Variants in TMEM260 observed in about 807,000 individuals in gnomAD.
TMEM260 encodes the protein transmembrane protein 260.
A neutral mutation model predicts 88.9 loss-of-function variants in TMEM260; 82 were observed. That is an observed-to-expected ratio of 0.92 (90% CI 0.77 to 1.11). The LOEUF (loss-of-function observed/expected upper bound fraction) is 1.11. TMEM260 is among the 50% of genes least tolerant of loss of function. The pLI, the probability that TMEM260 is intolerant of heterozygous loss-of-function variation, is 0.00. For synonymous variants in TMEM260, 314 were observed against 309.3 expected (o/e 1.02, Z -0.16); for missense variants, 902 against 853.4 (o/e 1.06, Z -0.71).
rs561447515 is a variant in TMEM260, at chr14:56,649,075, G to T, written c.*1578G>T. On this transcript the variant is annotated 3_prime_UTR_variant, in exon 16 of 16. Coordinates refer to ENST00000261556, the MANE Select transcript of TMEM260 (RefSeq NM_017799.4). ...TGTCCATTGGAGCCTGCAGTGCCTGGACAGGGTTCAGAGCGGAACCTTTTG... is the reference window on the plus strand; with the variant it reads ...TGTCCATTGGAGCCTGCAGTGCCTGTACAGGGTTCAGAGCGGAACCTTTTG... 2 of 152,662 alleles carry T rather than the reference G, an allele frequency of 1.3e-5. No homozygotes were observed. The highest frequency in any genetic ancestry group is 4.8e-5 in the African/African-American group (2 of 41,442). The allele number at this position is 152,662 out of a possible 1,614,324, so 9.5% of individuals were successfully genotyped here.
At position 56,636,701 on chromosome 14, in the gene TMEM260, T is replaced by TTTATTTCTCTCAATTTGGGTGGTATA. The variant is rs1889118289; in HGVS notation, c.1869+104_1869+129dup. 6 of 1,012,492 alleles carry TTTATTTCTCTCAATTTGGGTGGTATA rather than the reference T, an allele frequency of 5.9e-6. No homozygotes were observed. In the South Asian group the frequency reaches 7.5e-5, roughly 13 times the overall value. 62.7% of individuals were successfully genotyped at this position (1,012,492 alleles called of 1,614,324 possible). A position where few individuals can be genotyped will look rare whatever the true frequency, so the allele number is the denominator to read the frequency against. On this transcript the variant is annotated intron_variant, in intron 15 of 15. Coordinates refer to ENST00000261556, the MANE Select transcript of TMEM260 (RefSeq NM_017799.4). ...TATATCACATTAGAATTTTTATTAT[T>TTTATTTCTCTCAATTTGGGTGGTATA]TTATTTCTCTCAATTTGGGTGGTAT... is the stretch of plus-strand genomic sequence containing the variant.
At chr14:56,591,785 G>A (rs535252384) in intron 3 of TMEM260, among the ~76,000 whole-genome samples, 17 of 152,212 alleles carry the variant, frequency 1.1e-4, no homozygotes, top group East Asian at 1.9e-4. Context: ...AGTAAATTGC[G>A]GTTGTTCCTA....
chr14:56,585,598 A>G (rs927839742), intron 2 of TMEM260, 163 bp from the exon 3 acceptor site: 6 of 632,940 alleles, frequency 9.5e-6, no homozygotes, highest in East Asian at 8.6e-5. Context: ...ATTTATTTGT[A>G]TTGCCTCAAG....
At chr14:56,652,800 T>C (rs1014302625), downstream of TMEM260, among the ~76,000 whole-genome samples, 3 of 152,090 alleles carry the variant, frequency 2.0e-5, no homozygotes, top group Non-Finnish European at 4.4e-5. Context: ...TCATTCAATA[T>C]GTGGCTTGTA....
chr14:56,646,050 C>T (rs569688398), intron 15 of TMEM260, among the ~76,000 whole-genome samples: 118 of 152,306 alleles, frequency 7.7e-4, no homozygotes, highest in Middle Eastern at 3.4e-3. Flanking sequence ...TGGCCTCGGC[C>T]TCCCAAAGTG....
chr14:56,633,298 C>A (rs1888767106), intron 13 of TMEM260, 127 bp downstream of exon 13: 1 of 654,228 alleles, frequency 1.5e-6, no homozygotes, highest in African/African-American at 1.8e-5. Context: ...TACTTGCTAC[C>A]CACAAAATAC....
intron 1 of TMEM260, among the ~76,000 whole-genome samples, chr14:56,581,354 A>G (rs974411875): frequency 2.0e-5 from 3 of 152,104 alleles, no homozygotes; most frequent in African/African-American, 4.8e-5. Flanking sequence ...TACATCTTCA[A>G]ATTGTTACCT....
intron 6 of TMEM260, among the ~76,000 whole-genome samples, 155 bp downstream of exon 6, chr14:56,609,440 C>T (rs534675687): frequency 4.6e-5 from 7 of 152,194 alleles, no homozygotes; most frequent in African/African-American, 1.7e-4. Flanking sequence ...GGAATATGGC[C>T]TTTGATATAT....
chr14:56,654,814 CAAAAAAAAAAAAA>C (rs750160414), downstream of TMEM260, among the ~76,000 whole-genome samples: 7 of 51,806 alleles, frequency 1.4e-4, no homozygotes, highest in Admixed American at 2.8e-4. Context: ...AACTCCATCT[CAAAAAAAAAAAAA>C]AAAAAAAAAA....
the TMEM260 span, among the ~76,000 whole-genome samples, chr14:56,655,883 C>T: frequency 6.6e-6 from 1 of 152,134 alleles, no homozygotes; most frequent in Non-Finnish European, 1.5e-5. Context: ...TGTGGGAAGT[C>T]ACTGTGACTT....
At chr14:56,639,068 C>T (rs1889357924) in intron 15 of TMEM260, among the ~76,000 whole-genome samples, 1 of 152,116 alleles carries the variant, frequency 6.6e-6, no homozygotes, top group Admixed American at 6.5e-5. Context: ...GTAGGTGGGT[C>T]ATGAATGAGC....
intron 15 of TMEM260, among the ~76,000 whole-genome samples, chr14:56,643,484 A>C (rs10139834): frequency 0.034 from 5,154 of 152,150 alleles, 145 homozygotes; most frequent in East Asian, 0.11. Context: ...AACTCTCAAT[A>C]AATTAGGTAT....
At chr14:56,620,307 C>A (rs1304744705) in intron 10 of TMEM260, among the ~76,000 whole-genome samples, 1 of 152,134 alleles carries the variant, frequency 6.6e-6, no homozygotes. Flanking sequence ...GTTAAAAAAA[C>A]CCACAACATT....
intron 15 of TMEM260, among the ~76,000 whole-genome samples, chr14:56,639,388 T>A (rs1457111871): frequency 6.6e-6 from 1 of 152,206 alleles, no homozygotes; most frequent in African/African-American, 2.4e-5. Flanking sequence ...TTATTATGCA[T>A]GGAGGCCTGT....
At chr14:56,593,982 C>A (rs959036915) in intron 3 of TMEM260, among the ~76,000 whole-genome samples, 5 of 151,952 alleles carry the variant, frequency 3.3e-5, no homozygotes, top group Non-Finnish European at 5.9e-5. Flanking sequence ...CCACCGCGCC[C>A]GGCCGTGAGT....
At chr14:56,632,448 G>C (rs1313470454) in intron 12 of TMEM260, among the ~76,000 whole-genome samples, 1 of 152,104 alleles carries the variant, frequency 6.6e-6, no homozygotes, top group African/African-American at 2.4e-5. Flanking sequence ...CTAATGCCAC[G>C]ATGTTGCCTG....
At position 56,621,618 on chromosome 14, in the gene TMEM260, C is replaced by T. The variant is rs560816898; in HGVS notation, c.1314C>T (p.Leu438=). ...TSMPHDAIIL[L]RGDLPGNSLR... ...TGCCTCATGATGCAATTATCTTACT[C>T]AGAGGAGATTTGCCAGGAAATTCTC... Residue 438 remains leucine, a synonymous_variant, in exon 11 of 16, where the codon CTC becomes CTT. Transcript: ENST00000261556. 84 of 1,613,482 alleles carry T rather than the reference C, an allele frequency of 5.2e-5. No homozygotes were observed. In the South Asian group the frequency reaches 8.5e-4, roughly 16 times the overall value.
At chr14:56,643,238 A>G (rs1231620070) in intron 15 of TMEM260, among the ~76,000 whole-genome samples, 2 of 152,256 alleles carry the variant, frequency 1.3e-5, no homozygotes, top group Admixed American at 1.3e-4. Flanking sequence ...ATCCTTGATG[A>G]ACATTGATGC....
intron 6 of TMEM260, 97 bp downstream of exon 6, chr14:56,609,382 G>T: frequency 8.7e-7 from 1 of 1,149,558 alleles, no homozygotes; most frequent in Non-Finnish European, 1.2e-6. Context: ...GTCAATGACA[G>T]TAGATCAAAT....
Sources: allele counts gnomAD v4.1 joint callset (sites outside exome capture counted in the v4.1 genomes callset), GRCh38; gene constraint gnomAD v4.1.1; transcripts MANE v1.5; gene names NCBI Gene and HGNC (gene_info 2026-07-23, HGNC 2026-07-21).